TENM1: variants seen among roughly 807,000 people sequenced by gnomAD.
TENM1 encodes teneurin-1.
Under a neutral mutation model 174.8 loss-of-function variants are expected in TENM1, and 35 were observed. The ratio of observed to expected loss-of-function variants is 0.20; its 90% CI spans 0.15 to 0.27. TENM1 has a LOEUF of 0.27. TENM1 is among the 10% of genes least tolerant of loss of function. TENM1 has a pLI of 1.00. For synonymous variants in TENM1, 781 were observed against 798.7 expected, an observed-to-expected ratio of 0.98 and a Z score of 0.37; for missense variants, 1,633 against 2,130.1, an observed-to-expected ratio of 0.77 and a Z score of 4.59.
chrX:124,838,782 T>C (rs1289814589), intron 3 of TENM1, among the ~76,000 whole-genome samples: 2 of 111,274 alleles, frequency 1.8e-5, no homozygotes, highest in African/African-American at 6.5e-5. Flanking sequence ...TCTCTCTATA[T>C]ATACACATAC....
intron 1 of TENM1, among the ~76,000 whole-genome samples, chrX:124,915,596 C>T (rs2057909761): frequency 8.9e-6 from 1 of 112,216 alleles, no homozygotes; most frequent in Non-Finnish European, 1.9e-5. Context: ...TAACCAGTAT[C>T]CAAAAAACTT....
At chrX:125,142,783 G>A in the TENM1 span, among the ~76,000 whole-genome samples, 13 of 110,782 alleles carry the variant, frequency 1.2e-4, no homozygotes, top group African/African-American at 3.9e-4. Flanking sequence ...CTGATCTTAA[G>A]TATCACAGTG....
chrX:125,087,150 G>A, the TENM1 span, among the ~76,000 whole-genome samples: 1 of 110,809 alleles, frequency 9.0e-6, no homozygotes, highest in Non-Finnish European at 1.9e-5. Flanking sequence ...GGCAGGATAT[G>A]TAAACTGGTA....
chrX:124,949,275 T>C (rs966573974), intron 1 of TENM1, among the ~76,000 whole-genome samples: 1 of 112,030 alleles, frequency 8.9e-6, no homozygotes, highest in African/African-American at 3.2e-5. Flanking sequence ...ACAATTTCCA[T>C]TGATCCTCTG....
At chrX:124,824,428 C>A (rs1398353540) in intron 3 of TENM1, among the ~76,000 whole-genome samples, 2 of 111,757 alleles carry the variant, frequency 1.8e-5, no homozygotes, top group Non-Finnish European at 3.8e-5. Flanking sequence ...CACAAAAAGA[C>A]AACACTAAGT....
At chrX:124,750,072 T>C (rs2054025832) in intron 3 of TENM1, among the ~76,000 whole-genome samples, 1 of 112,207 alleles carries the variant, frequency 8.9e-6, no homozygotes, top group African/African-American at 3.2e-5. Context: ...TATTCACATT[T>C]GTTGCTGTTG....
chrX:124,401,177 A>AT (rs908039769), intron 27 of TENM1, among the ~76,000 whole-genome samples: 4 of 110,273 alleles, frequency 3.6e-5, no homozygotes, highest in Admixed American at 1.9e-4. Flanking sequence ...TCCTTTTCTG[A>AT]TTTTTTTTTC....
chrX:124,602,229 C>T (rs1177777590), intron 11 of TENM1, among the ~76,000 whole-genome samples: 1 of 110,852 alleles, frequency 9.0e-6, no homozygotes, highest in African/African-American at 3.3e-5. Context: ...AAAGTATTAT[C>T]TCATCATAAT....
the TENM1 span, among the ~76,000 whole-genome samples, chrX:125,084,281 C>T: frequency 9.1e-6 from 1 of 109,654 alleles, no homozygotes; most frequent in South Asian, 3.9e-4. Flanking sequence ...TTATTGAATA[C>T]TACTATCTCC....
At chrX:125,075,374 T>C in the TENM1 span, among the ~76,000 whole-genome samples, 14 of 111,810 alleles carry the variant, frequency 1.3e-4, no homozygotes, top group Non-Finnish European at 2.6e-4. Context: ...TTATATTTTG[T>C]TTATCCGTCC....
At chrX:124,486,244 TTAC>T (rs2046951613) in intron 21 of TENM1, among the ~76,000 whole-genome samples, 2 of 112,458 alleles carry the variant, frequency 1.8e-5, no homozygotes, top group Non-Finnish European at 3.8e-5. Context: ...GGTGTTAGGT[TTAC>T]TATCACCTTT....
At chrX:124,513,201 TCCATTTCTTTG>T (rs1479208993) in intron 18 of TENM1, among the ~76,000 whole-genome samples, 7 of 111,521 alleles carry the variant, frequency 6.3e-5, no homozygotes, top group Non-Finnish European at 1.9e-5. Flanking sequence ...TAAGGGAAAA[TCCATTTCTTTG>T]CCTTTTCCAG....
At chrX:125,001,872 C>G in the TENM1 span, among the ~76,000 whole-genome samples, 5 of 104,654 alleles carry the variant, frequency 4.8e-5, no homozygotes, top group Non-Finnish European at 7.9e-5. Context: ...CACACACACA[C>G]ACACACACAC....
At chrX:124,509,386 C>T (rs768486250) in intron 18 of TENM1, among the ~76,000 whole-genome samples, 2 of 111,083 alleles carry the variant, frequency 1.8e-5, no homozygotes, top group South Asian at 7.8e-4. Context: ...ACAACCCTCC[C>T]TGTCCCTACC....
chrX:125,132,036 C>A, the TENM1 span, among the ~76,000 whole-genome samples: 2 of 112,311 alleles, frequency 1.8e-5, no homozygotes, highest in Non-Finnish European at 3.8e-5. Context: ...TTAATTAATA[C>A]TTTAATGATC....
chrX:125,137,585 T>G, the TENM1 span, among the ~76,000 whole-genome samples: 1 of 111,028 alleles, frequency 9.0e-6, no homozygotes, highest in South Asian at 3.8e-4. Context: ...TACTTAAGTT[T>G]TAAGGCATTT....
At chrX:124,507,944 T>A (rs2047489954) in intron 18 of TENM1, among the ~76,000 whole-genome samples, 1 of 112,358 alleles carries the variant, frequency 8.9e-6, no homozygotes, top group South Asian at 3.7e-4. Context: ...CATCTAAAAA[T>A]AATTTCATGA....
intron 19 of TENM1, among the ~76,000 whole-genome samples, chrX:124,498,326 C>T (rs960170922): frequency 9.0e-6 from 1 of 111,209 alleles, no homozygotes; most frequent in African/African-American, 3.3e-5. Flanking sequence ...GGTCTCCATG[C>T]ATATCCATTT....
intron 11 of TENM1, among the ~76,000 whole-genome samples, chrX:124,614,192 A>G (rs1217099406): frequency 8.9e-6 from 1 of 111,746 alleles, no homozygotes; most frequent in African/African-American, 3.3e-5. Flanking sequence ...GAAAGGGGTT[A>G]GAACATAGGC....
Sources: allele counts gnomAD v4.1 joint callset (sites outside exome capture counted in the v4.1 genomes callset), GRCh38; gene constraint gnomAD v4.1.1; transcripts MANE v1.5; gene names NCBI Gene and HGNC (gene_info 2026-07-23, HGNC 2026-07-21).